Variants in CAMTA1 observed in about 807,000 individuals in gnomAD.
The protein encoded by CAMTA1 is calmodulin binding transcription activator 1, also known as calmodulin-binding transcription activator 1.
Under a neutral mutation model 170.9 loss-of-function variants are expected in CAMTA1, and 27 were observed. The ratio of observed to expected loss-of-function variants is 0.16; its 90% CI spans 0.12 to 0.22. The LOEUF (loss-of-function observed/expected upper bound fraction) is 0.22, where lower values mean the gene tolerates loss of function less well. CAMTA1 is among the 10% of genes least tolerant of loss of function. The pLI is 1.00. For synonymous variants in CAMTA1, 833 were observed against 891.5 expected (o/e 0.93, Z 1.17); for missense variants, 1,619 against 2,217.2 (o/e 0.73, Z 5.42).
intron 3 of CAMTA1, among the ~76,000 whole-genome samples, chr1:6,997,853 G>T (rs1697560357): frequency 6.6e-6 from 1 of 151,590 alleles, no homozygotes; most frequent in South Asian, 2.1e-4. Context: ...GTAGGGACGG[G>T]GTTTCACCAT....
At chr1:7,554,962 C>T (rs752553593) in intron 6 of CAMTA1, among the ~76,000 whole-genome samples, 1 of 151,908 alleles carries the variant, frequency 6.6e-6, no homozygotes, top group Non-Finnish European at 1.5e-5. Flanking sequence ...GAGGCGAGAA[C>T]AAGACTCAGG....
intron 3 of CAMTA1, among the ~76,000 whole-genome samples, chr1:6,843,873 A>T (rs1557680103): frequency 1.3e-5 from 2 of 152,216 alleles, no homozygotes; most frequent in South Asian, 4.1e-4. Flanking sequence ...TGGCCAAATT[A>T]AAAAAGACAC....
At chr1:7,727,383 A>G (rs975350830) in intron 11 of CAMTA1, among the ~76,000 whole-genome samples, 1 of 152,098 alleles carries the variant, frequency 6.6e-6, no homozygotes, top group Non-Finnish European at 1.5e-5. Context: ...CGGTCTCCCA[A>G]AGTGCTGGGA....
intron 4 of CAMTA1, among the ~76,000 whole-genome samples, chr1:7,180,372 T>C (rs1304423298): frequency 6.6e-6 from 1 of 151,402 alleles, no homozygotes; most frequent in Non-Finnish European, 1.5e-5. Context: ...AAAAAAAAAT[T>C]ATGAGATTAT....
chr1:6,813,882 T>G (rs1316878518), intron 1 of CAMTA1, among the ~76,000 whole-genome samples: 1 of 152,174 alleles, frequency 6.6e-6, no homozygotes, highest in African/African-American at 2.4e-5. Context: ...TAGGAAGAGA[T>G]GTGCTTGAAA....
chr1:6,830,713 A>G (rs1649619597), intron 3 of CAMTA1, among the ~76,000 whole-genome samples: 2 of 152,216 alleles, frequency 1.3e-5, no homozygotes, highest in African/African-American at 4.8e-5. Context: ...GCATAATTCA[A>G]TGAGTTTTTG....
At chr1:7,203,547 T>C (rs1320758278) in intron 4 of CAMTA1, among the ~76,000 whole-genome samples, 5 of 151,022 alleles carry the variant, frequency 3.3e-5, no homozygotes, top group African/African-American at 7.3e-5. Flanking sequence ...TAGGTATTAA[T>C]ATATTCAGAC....
rs777572902 is a variant in CAMTA1 at position 7,316,624 on chromosome 1, G to A, written c.438+66998G>A. ...AACAATTCTGTTCGTTCATTTAGTC[G>A]CAGATGTTTATATGCCCAGCAATCT... On this transcript the variant is annotated intron_variant, in intron 5 of 22. Transcript: ENST00000303635. Among the ~76,000 whole-genome samples, 32 of 152,250 alleles carry A rather than the reference G, an allele frequency of 2.1e-4. 1 individual carries two copies. Among genetic ancestry groups the A allele is most frequent in the Middle Eastern group, 6.8e-3 (2 of 294 alleles).
chr1:7,017,626 A>T (rs1037232492), intron 3 of CAMTA1, among the ~76,000 whole-genome samples: 6 of 152,196 alleles, frequency 3.9e-5, no homozygotes, highest in Admixed American at 6.5e-5. Flanking sequence ...GGTGCGTGTT[A>T]TCATGGCCCT....
chr1:7,197,624 C>CACA, intron 4 of CAMTA1, among the ~76,000 whole-genome samples: 1 of 112,414 alleles, frequency 8.9e-6, no homozygotes, highest in African/African-American at 3.2e-5. Context: ...ATTATTGTCC[C>CACA]CCACCACACA....
At chr1:7,621,606 G>T (rs1160898028) in intron 6 of CAMTA1, among the ~76,000 whole-genome samples, 4 of 152,188 alleles carry the variant, frequency 2.6e-5, no homozygotes, top group Admixed American at 2.6e-4. Context: ...CCTGTCAGGT[G>T]CCTCTGCCCA....
intron 4 of CAMTA1, among the ~76,000 whole-genome samples, chr1:7,164,060 C>A (rs571440394): frequency 6.6e-6 from 1 of 152,206 alleles, no homozygotes; most frequent in African/African-American, 2.4e-5. Context: ...GATGCCATCA[C>A]AATGCCAGGA....
At chr1:7,420,239 C>T (rs1002012045) in intron 5 of CAMTA1, among the ~76,000 whole-genome samples, 4 of 152,082 alleles carry the variant, frequency 2.6e-5, no homozygotes, top group Admixed American at 2.0e-4. Context: ...CCGCCTGGCT[C>T]CCCCACCTCT....
chr1:7,240,449 A>G (rs112915771), intron 4 of CAMTA1, among the ~76,000 whole-genome samples: 8 of 151,812 alleles, frequency 5.3e-5, no homozygotes, highest in African/African-American at 7.3e-5. Context: ...AATGTATTTC[A>G]GTCGAATGTT....
At chr1:7,513,984 A>G (rs2094243704) in intron 6 of CAMTA1, among the ~76,000 whole-genome samples, 1 of 152,058 alleles carries the variant, frequency 6.6e-6, no homozygotes, top group Non-Finnish European at 1.5e-5. Context: ...AACACCAGTT[A>G]CACTGGATCA....
At position 7,680,395 on chromosome 1, in the gene CAMTA1, G is replaced by A. The variant is rs1463213241; in HGVS notation, c.2914+2662G>A. Among the ~76,000 whole-genome samples, 1 of 152,132 alleles carries A rather than the reference G, an allele frequency of 6.6e-6. No homozygotes were observed. The highest frequency in any genetic ancestry group is 6.5e-5 in the Admixed American group (1 of 15,282). On this transcript the variant is annotated intron_variant, in intron 11 of 22. Coordinates refer to ENST00000303635, the MANE Select transcript of CAMTA1 (RefSeq NM_015215.4). The surrounding 1 kb of genome is among the most constrained non-coding windows in gnomAD (Gnocchi z 4.4). The stretch of plus-strand genomic sequence containing the variant: ...GGGCTGGGGAAGGGGTGGGCGCCAG[G>A]GGACTGCAGCGCGGAGCAAACTGGG...
At chr1:7,005,567 G>C (rs1403000858) in intron 3 of CAMTA1, among the ~76,000 whole-genome samples, 2 of 152,166 alleles carry the variant, frequency 1.3e-5, no homozygotes, top group Non-Finnish European at 2.9e-5. Flanking sequence ...AGATGGGCCT[G>C]TCTTTGCCTT....
intron 6 of CAMTA1, among the ~76,000 whole-genome samples, chr1:7,510,516 T>C (rs1264001083): frequency 6.8e-6 from 1 of 146,522 alleles, no homozygotes; most frequent in African/African-American, 2.4e-5. Context: ...AGGTCACAGC[T>C]GTAGCTCGTA....
Position 7,429,071 on chromosome 1 carries a change from G to A in CAMTA1, c.439-38759G>A, listed in dbSNP as rs1045502024. Among the ~76,000 whole-genome samples, 10 of 152,082 alleles carry A rather than the reference G, an allele frequency of 6.6e-5. No individual in the cohort carries two copies. The East Asian group carries it at 1.2e-3, about 18-fold the overall frequency. On this transcript the variant is annotated intron_variant, in intron 5 of 22. Coordinates refer to ENST00000303635, the MANE Select transcript of CAMTA1 (RefSeq NM_015215.4). ...TTCTTGGAGTGCTTTCTGCTTCCAC[G>A]AAATGCTCTTCCATTTGAGAGTGTT... is the stretch of plus-strand genomic sequence containing the variant.
Sources: gnomAD v4.1 joint callset for allele counts (sites outside exome capture counted in the v4.1 genomes callset) on GRCh38, gnomAD v4.1.1 for gene constraint, Gnocchi (gnomAD v3.1) non-coding constraint, MANE v1.5 for transcripts, NCBI Gene and HGNC (gene_info 2026-07-23, HGNC 2026-07-21) for gene names.